Variants in PRORP observed in about 807,000 individuals in gnomAD.
PRORP encodes protein only RNase P catalytic subunit, also known as mitochondrial ribonuclease P catalytic subunit.
Under a neutral mutation model 59.4 loss-of-function variants are expected in PRORP, and 51 were observed. That is an observed-to-expected ratio of 0.86 (90% CI 0.69 to 1.08). The LOEUF is 1.08. PRORP is among the 50% of genes least tolerant of loss of function. The probability of loss-of-function intolerance (pLI) is 0.00; values close to 1 mark genes in which losing one functional copy is unlikely to be tolerated. For synonymous variants in PRORP, 231 were observed against 245.6 expected, an observed-to-expected ratio of 0.94 and a Z score of 0.55; for missense variants, 646 against 690.3, an observed-to-expected ratio of 0.94 and a Z score of 0.72.
rs1444585601 is a variant in PRORP, at chr14:35,123,113, A to G, written c.-133A>G. 1.1e-6 allele frequency: 1 copy of G among 903,580 alleles called. No homozygotes were observed. Among genetic ancestry groups the G allele is most frequent in the Non-Finnish European group, 1.7e-6 (1 of 602,562 alleles). The allele number at this position is 903,580 out of a possible 1,614,324, so 56.0% of individuals were successfully genotyped here. A position where few individuals can be genotyped will look rare whatever the true frequency, so the allele number is the denominator to read the frequency against. On this transcript the variant is annotated 5_prime_UTR_variant, in exon 2 of 8. Transcript: ENST00000534898. ...AAAGCAGAACCTTGATTTGTCTGTA[A>G]GGAAGAAACACAAACCTTTTAAAAA...
chr14:35,181,466 C>A (rs1021637065), intron 5 of PRORP, among the ~76,000 whole-genome samples: 8 of 152,102 alleles, frequency 5.3e-5, no homozygotes, highest in African/African-American at 1.9e-4. Context: ...AGCCATTCAT[C>A]TGTAATTAAA....
intron 4 of PRORP, chr14:35,158,551 A>T: frequency 4.1e-6 from 1 of 245,290 alleles, no homozygotes. Context: ...TATCTGTTTT[A>T]AAGTTATTAT....
At chr14:35,161,594 C>A (rs1595216152) in intron 4 of PRORP, among the ~76,000 whole-genome samples, 1 of 151,818 alleles carries the variant, frequency 6.6e-6, no homozygotes, top group South Asian at 2.1e-4. Flanking sequence ...TATTTTTTGG[C>A]CTGATTTGTT....
At chr14:35,204,232 G>A (rs1160411966) in intron 5 of PRORP, among the ~76,000 whole-genome samples, 1 of 151,936 alleles carries the variant, frequency 6.6e-6, no homozygotes, top group Non-Finnish European at 1.5e-5. Context: ...GTAGTGTTGG[G>A]AAAATATTTA....
intron 4 of PRORP, among the ~76,000 whole-genome samples, chr14:35,136,426 G>A (rs2047374819): frequency 6.7e-6 from 1 of 149,838 alleles, no homozygotes; most frequent in Non-Finnish European, 1.5e-5. Context: ...CCAGGCTGGA[G>A]TGCAATGGCG....
rs35309046 is a variant in PRORP, at chr14:35,230,050, C to CTTT, written c.1276-36659_1276-36657dup. Among the ~76,000 whole-genome samples, 193 of 109,102 alleles carry CTTT rather than the reference C, an allele frequency of 1.8e-3. 2 individuals carry two copies. Among genetic ancestry groups the CTTT allele is most frequent in the African/African-American group, 3.4e-3 (102 of 29,892 alleles). The allele number at this position is 109,102 out of a possible 152,430, so 71.6% of individuals were successfully genotyped here. On this transcript the variant is annotated intron_variant, in intron 5 of 7. Coordinates refer to ENST00000534898, the MANE Select transcript of PRORP (RefSeq NM_014672.4). ...CAGCCAGATGTCATTACTGTAAATT[C>CTTT]TTTTTTTTTTTTTTTTTTTTGAGAC...
chr14:35,202,114 C>T (rs1448976863), intron 5 of PRORP, among the ~76,000 whole-genome samples: 2 of 151,684 alleles, frequency 1.3e-5, no homozygotes, highest in South Asian at 2.1e-4. Context: ...GGACTACAGG[C>T]GCCCGCCACC....
chr14:35,230,021 G>C (rs888566811), intron 5 of PRORP, among the ~76,000 whole-genome samples: 2 of 149,506 alleles, frequency 1.3e-5, no homozygotes, highest in African/African-American at 4.9e-5. Context: ...AGAAGCTCGA[G>C]TGCCAGCCAG....
Position 35,123,322 on chromosome 14 carries a change from A to C in PRORP, c.77A>C (p.His26Pro), listed in dbSNP as rs1595146840. 1 of 1,613,916 alleles carries C rather than the reference A, an allele frequency of 6.2e-7. No individual in the cohort carries two copies. The change falls in exon 2 of 8, where the codon CAC (histidine) becomes CCC (proline). Residue 26 changes from histidine (H) to proline (P), a missense_variant. Physicochemically the swap from His to Pro is moderately conservative, Grantham distance 77. Coordinates refer to ENST00000534898, the MANE Select transcript of PRORP (RefSeq NM_014672.4). ...CCATACCTTGGGCTAGGCCCAGGGC[A>C]CTCTTATGTCTCGCTGTTTCTGGCA... The part of the protein sequence containing the change: ...KSPYLGLGPG[H>P]SYVSLFLADR...
At chr14:35,184,973 G>T (rs753941755) in intron 5 of PRORP, among the ~76,000 whole-genome samples, 5 of 152,094 alleles carry the variant, frequency 3.3e-5, no homozygotes, top group Non-Finnish European at 7.3e-5. Flanking sequence ...TAATAGTACT[G>T]CAGTGAACAT....
At chr14:35,195,871 T>C (rs1473766309) in intron 5 of PRORP, among the ~76,000 whole-genome samples, 1 of 152,198 alleles carries the variant, frequency 6.6e-6, no homozygotes, top group Non-Finnish European at 1.5e-5. Context: ...AGTTATGTTA[T>C]CAAGGAGTTA....
intron 5 of PRORP, among the ~76,000 whole-genome samples, chr14:35,243,395 GTGTGGTGGTGCGCCCCAGTGGT>G (rs2138554336): frequency 1.3e-5 from 2 of 152,102 alleles, no homozygotes; most frequent in East Asian, 3.9e-4. Flanking sequence ...AATTAGCTAG[GTGTGGTGGTGCGCCCCAGTGGT>G]CCCACCTACT....
intron 5 of PRORP, among the ~76,000 whole-genome samples, chr14:35,256,198 C>T (rs1397502480): frequency 4.7e-5 from 7 of 147,764 alleles, no homozygotes; most frequent in African/African-American, 7.4e-5. Context: ...GCAGGAGAAT[C>T]GCTTAAGCCC....
chr14:35,174,750 CTT>C (rs113505782), intron 4 of PRORP, among the ~76,000 whole-genome samples: 9,284 of 132,258 alleles, frequency 0.07, 356 homozygotes, highest in Middle Eastern at 0.13. Flanking sequence ...TTTTTTTTTT[CTT>C]TTTTTTTTTT....
At chr14:35,156,236 G>A (rs1245026509) in intron 4 of PRORP, among the ~76,000 whole-genome samples, 1 of 152,192 alleles carries the variant, frequency 6.6e-6, no homozygotes, top group African/African-American at 2.4e-5. Flanking sequence ...GGAGTGTGGG[G>A]ATTTCCACTC....
intron 4 of PRORP, among the ~76,000 whole-genome samples, chr14:35,165,581 G>A (rs2048163270): frequency 6.6e-6 from 1 of 152,038 alleles, no homozygotes; most frequent in Admixed American, 6.6e-5. Flanking sequence ...AAGTGTGTAG[G>A]ATTTTTTTCT....
intron 5 of PRORP, among the ~76,000 whole-genome samples, chr14:35,204,083 C>T (rs565638519): frequency 2.0e-5 from 3 of 152,302 alleles, no homozygotes; most frequent in South Asian, 2.1e-4. Context: ...CTGGCAACCA[C>T]AAAAAACTTC....
At chr14:35,155,768 T>C (rs577982874) in intron 4 of PRORP, among the ~76,000 whole-genome samples, 57 of 152,034 alleles carry the variant, frequency 3.7e-4, no homozygotes, top group South Asian at 1.0e-3. Flanking sequence ...AGAAAGGATA[T>C]AAACAGTTCA....
At chr14:35,202,911 G>A (rs1175188797) in intron 5 of PRORP, among the ~76,000 whole-genome samples, 1 of 152,190 alleles carries the variant, frequency 6.6e-6, no homozygotes, top group Non-Finnish European at 1.5e-5. Context: ...TGGGATTACA[G>A]GTGTGAGCCA....
Sources: allele counts gnomAD v4.1 joint callset (sites outside exome capture counted in the v4.1 genomes callset), GRCh38; gene constraint gnomAD v4.1.1; transcripts MANE v1.5; gene names NCBI Gene and HGNC (gene_info 2026-07-23, HGNC 2026-07-21).